The following HHIPL2 variants were observed in gnomAD, a reference collection of about 807,000 sequenced individuals.
HHIPL2 encodes the protein HHIP like 2.
Under a neutral mutation model 61.0 loss-of-function variants are expected in HHIPL2, and 61 were observed. The ratio of observed to expected loss-of-function variants is 1.00; its 90% confidence interval spans 0.81 to 1.24. HHIPL2 has a LOEUF of 1.24. Among genes scored for constraint, HHIPL2 ranks in the 50% most tolerant of loss-of-function variants. The pLI, the probability that HHIPL2 is intolerant of heterozygous loss-of-function variation, is 0.00. For missense variants in HHIPL2, 885 were observed against 910.2 expected (o/e 0.97, Z 0.36); for synonymous variants, 343 against 357.4 (o/e 0.96, Z 0.45).
At position 222,540,215 on chromosome 1, in the gene HHIPL2, G is replaced by C. The variant is rs759418737; in HGVS notation, c.1245C>G (p.Ala415=). The C allele has an allele frequency of 1.4e-5, 23 of 1,614,150 alleles. No homozygotes were observed. Among genetic ancestry groups the C allele is most frequent in the African/African-American group, 2.7e-5 (2 of 74,946 alleles). Residue 415 remains alanine (A), a synonymous_variant, in exon 4 of 9, where the codon GCC becomes GCG. Coordinates refer to ENST00000343410, the MANE Select transcript of HHIPL2 (RefSeq NM_024746.4). Reference sequence around the variant, plus strand: ...AACGCCACATGTTCCTGATCCCATAGGCATAGATGGCGGGGTGGGCCCCTG... The same window carrying C: ...AACGCCACATGTTCCTGATCCCATACGCATAGATGGCGGGGTGGGCCCCTG... ...SEPGAHPAIY[A]YGIRNMWRCA... is the part of the protein sequence containing the mutation.
At chr1:222,526,905 G>A in intron 7 of HHIPL2, 64 bp downstream of exon 7, 1 of 1,347,954 alleles carries the variant, frequency 7.4e-7, no homozygotes, top group South Asian at 1.3e-5. Flanking sequence ...CTGTTTTTAT[G>A]GCCTGCCATG....
intron 7 of HHIPL2, chr1:222,524,991 C>T (rs1299977841): frequency 6.6e-6 from 1 of 152,072 alleles, no homozygotes; most frequent in Non-Finnish European, 1.5e-5. Flanking sequence ...AGGATGTTAA[C>T]CTGCCTGGTT....
chr1:222,542,150 A>G lies in HHIPL2; in HGVS notation c.980T>C (p.Ile327Thr). The stretch of plus-strand genomic sequence containing the variant: ...TGAGGCTGGTTCTTCAATCTCCAAG[A>G]TGACCCTGGAAGAGAAAAAAGAAAC... ...NKADLKSERVILEIEEPASNH... is the reference protein window; with the variant it reads ...NKADLKSERVTLEIEEPASNH... Residue 327 changes from isoleucine to threonine, a missense_variant, in exon 3 of 9, where the codon ATC (isoleucine) becomes ACC (threonine). By Grantham distance (89) the Ile-to-Thr change is moderately conservative (BLOSUM62 -1). Transcript: ENST00000343410. 1 of 1,613,734 alleles carries G rather than the reference A, an allele frequency of 6.2e-7. No homozygotes were observed.
chr1:222,530,314 G>A (rs1402175719), intron 6 of HHIPL2, among the ~76,000 whole-genome samples: 1 of 152,144 alleles, frequency 6.6e-6, no homozygotes, highest in Non-Finnish European at 1.5e-5. Context: ...CTGCCTCTGG[G>A]GTTCCAATCT....
chr1:222,526,889 T>C (rs750703685), intron 7 of HHIPL2, 80 bp downstream of exon 7: 1 of 1,155,094 alleles, frequency 8.7e-7, no homozygotes, highest in Non-Finnish European at 1.3e-6. Context: ...TTCGGGACAA[T>C]GAGGACTGTT....
chr1:222,534,463 G>T (rs1051307703), intron 5 of HHIPL2, among the ~76,000 whole-genome samples: 13 of 152,076 alleles, frequency 8.5e-5, no homozygotes. Context: ...TGTAGTCCCA[G>T]CTACTCAGGA....
At chr1:222,529,781 C>G (rs1021170632) in intron 6 of HHIPL2, among the ~76,000 whole-genome samples, 1 of 152,194 alleles carries the variant, frequency 6.6e-6, no homozygotes, top group Non-Finnish European at 1.5e-5. Context: ...TCCACACCAG[C>G]CAGTCACTCA....
chr1:222,547,689 C>G, intron 1 of HHIPL2, 35 bp downstream of exon 1: 12 of 1,583,836 alleles, frequency 7.6e-6, no homozygotes, highest in Non-Finnish European at 1.0e-5. Flanking sequence ...AGCCCAGCAC[C>G]CAAACCCCTG....
At chr1:222,543,088 C>T (rs1659470510) in intron 2 of HHIPL2, among the ~76,000 whole-genome samples, 1 of 152,198 alleles carries the variant, frequency 6.6e-6, no homozygotes, top group African/African-American at 2.4e-5. Context: ...AACTTGGGGT[C>T]AGTTAAAACT....
intron 5 of HHIPL2, among the ~76,000 whole-genome samples, chr1:222,538,195 G>GGTGGGT (rs1553270680): frequency 2.2e-5 from 3 of 136,274 alleles, no homozygotes; most frequent in Non-Finnish European, 4.7e-5. Context: ...CTCTGGCTGG[G>GGTGGGT]GTGTGTGTGT....
At chr1:222,547,630 TA>T in intron 1 of HHIPL2, 93 bp downstream of exon 1, 2 of 1,102,072 alleles carry the variant, frequency 1.8e-6, no homozygotes, top group African/African-American at 1.6e-5. Flanking sequence ...CATGAACTTC[TA>T]AAGGGCTGGG....
rs550966430 is a variant in HHIPL2 at position 222,523,543 on chromosome 1, C to T, written c.1888+69G>A. On this transcript the variant is annotated intron_variant, in intron 8 of 8. Coordinates refer to ENST00000343410, the MANE Select transcript of HHIPL2 (RefSeq NM_024746.4). ...AAGACTCCACCATGGGAATTATAGC[C>T]TGCTTGCTGAGGGCACTGCCTTAGC... 4.9e-6 allele frequency: 7 copies of T among 1,418,306 alleles called. No homozygotes were observed. The South Asian group carries it at 8.0e-5, about 16-fold the overall frequency. 87.9% of individuals were successfully genotyped at this position (1,418,306 alleles called of 1,614,324 possible). A position where few individuals can be genotyped will look rare whatever the true frequency, so the allele number is the denominator to read the frequency against.
chr1:222,543,597 C>T lies in HHIPL2; in HGVS notation c.914G>A (p.Arg305Gln). The change falls in exon 2 of 9, where the codon CGA becomes CAA. Residue 305 changes from arginine (R) to glutamine (Q), a missense_variant. Arg to Gln is a conservative substitution (Grantham distance 43). Transcript: ENST00000343410. ...CCGAGAAACCTTCATCTCACTAATTCGGATCTTTTCTACCTTCTTCTTGTC... is the reference window on the plus strand; with the variant it reads ...CCGAGAAACCTTCATCTCACTAATTTGGATCTTTTCTACCTTCTTCTTGTC... ...CLDKKKVEKI[R>Q]ISEMKVSRAD... is the part of the protein sequence containing the mutation. 6.2e-7 allele frequency: 1 copy of T among 1,614,142 alleles called. No homozygotes were observed. The highest frequency in any genetic ancestry group is 8.5e-7 in the Non-Finnish European group (1 of 1,180,022).
rs1659398935 is a variant in HHIPL2, at chr1:222,540,147, C to T, written c.1313G>A (p.Gly438Asp). The change falls in exon 4 of 9, where the codon GGC becomes GAC. Residue 438 changes from glycine to aspartate, a missense_variant. Physicochemically the swap from Gly to Asp is moderately conservative, Grantham distance 94. Coordinates refer to ENST00000343410, the MANE Select transcript of HHIPL2 (RefSeq NM_024746.4). ...RGDPITRQGR[G>D]RIFCGDVGQN... ...GCCCACGTCCCCACAGAATATCCGG[C>T]CTCGGCCCTGGCGCGTGATGGGGTC... The T allele has an allele frequency of 6.2e-7, 1 of 1,614,270 alleles. No individual in the cohort carries two copies. The highest frequency in any genetic ancestry group is 8.5e-7 in the Non-Finnish European group (1 of 1,180,042).
At chr1:222,537,855 C>T (rs1365005592) in intron 5 of HHIPL2, among the ~76,000 whole-genome samples, 2 of 152,052 alleles carry the variant, frequency 1.3e-5, no homozygotes, top group Non-Finnish European at 2.9e-5. Flanking sequence ...TAACATCAAA[C>T]ACTAAGAGAC....
At chr1:222,539,157 TAAG>T (rs140759636) in intron 4 of HHIPL2, 3,245 of 176,710 alleles carry the variant, frequency 0.018, 117 homozygotes, top group African/African-American at 0.072. Context: ...AAGAAAAGAC[TAAG>T]AAGAAGTAAT....
In HHIPL2 at chr1:222,540,116, G is replaced by T. The variant is rs1427788705; in HGVS notation, c.1344C>A (p.Asn448Lys). The T allele has an allele frequency of 1.2e-6, 2 of 1,614,250 alleles. No individual in the cohort carries two copies. Among genetic ancestry groups the T allele is most frequent in the Non-Finnish European group, 1.7e-6 (2 of 1,180,040 alleles). ...GRIFCGDVGQ[N>K]RFEEVDLILK... The stretch of plus-strand genomic sequence containing the variant: ...AAATGAGGTCAACCTCTTCAAACCT[G>T]TTCTGGCCCACGTCCCCACAGAATA... Residue 448 changes from asparagine to lysine, a missense_variant, in exon 4 of 9, where the codon AAC (asparagine) becomes AAA (lysine). Asn to Lys is a moderately conservative substitution (Grantham distance 94). Transcript: ENST00000343410.
rs762613016 is a variant in HHIPL2 at position 222,540,316 on chromosome 1, T to C, written c.1144A>G (p.Arg382Gly). The C allele has an allele frequency of 1.9e-6, 3 of 1,606,990 alleles. No homozygotes were observed. The highest frequency in any genetic ancestry group is 2.2e-5 in the East Asian group (1 of 44,760). ...NKSSLLGKVLRIDVNRAGSHG... is the reference protein window; with the variant it reads ...NKSSLLGKVLGIDVNRAGSHG... ...GAGCCTGCCCTGTTCACATCGATCC[T>C]TAAAACTTTTCCCAGCAGGGAACTT... Residue 382 changes from arginine to glycine, a missense_variant, in exon 4 of 9, where the codon AGG (arginine) becomes GGG (glycine). Arg to Gly is a moderately radical substitution (Grantham distance 125). Coordinates refer to ENST00000343410, the MANE Select transcript of HHIPL2 (RefSeq NM_024746.4).
At chr1:222,526,827 G>A (rs562990056) in intron 7 of HHIPL2, 142 bp downstream of exon 7, 4 of 573,316 alleles carry the variant, frequency 7.0e-6, no homozygotes, top group Non-Finnish European at 1.3e-5. Flanking sequence ...TAGATGCATT[G>A]TCCTATGCCA....
Sources: allele counts gnomAD v4.1 joint callset (sites outside exome capture counted in the v4.1 genomes callset), GRCh38; gene constraint gnomAD v4.1.1; transcripts MANE v1.5; gene names NCBI Gene and HGNC (gene_info 2026-07-23, HGNC 2026-07-21).